The following INTS2 variants were observed in gnomAD, a reference collection of about 807,000 sequenced individuals.
INTS2 encodes KIAA1287.
In INTS2, 57 loss-of-function variants were observed where a neutral mutation model predicts 139.6. The ratio of observed to expected loss-of-function variants is 0.41; its 90% CI spans 0.33 to 0.51. The LOEUF (loss-of-function observed/expected upper bound fraction) is 0.51, where lower values mean the gene tolerates loss of function less well. Among genes scored for constraint, INTS2 ranks in the 20% least tolerant of loss-of-function variants. The pLI is 0.28. For synonymous variants in INTS2, 473 were observed against 493.4 expected (o/e 0.96, Z 0.55); for missense variants, 1,196 against 1,436.7 (o/e 0.83, Z 2.71).
intron 5 of INTS2, among the ~76,000 whole-genome samples, chr17:61,915,296 C>G (rs539660164): frequency 1.3e-5 from 2 of 151,702 alleles, no homozygotes; most frequent in Admixed American, 1.3e-4. Context: ...CGAGATCACT[C>G]CACTGCACTC....
At chr17:61,877,329 T>C (rs1220548963) in intron 18 of INTS2, among the ~76,000 whole-genome samples, 1 of 152,220 alleles carries the variant, frequency 6.6e-6, no homozygotes, top group African/African-American at 2.4e-5. Context: ...ACTTGTATAC[T>C]ATTTATAGCC....
At position 61,897,475 on chromosome 17, in the gene INTS2, C is replaced by T; in HGVS notation, c.1488G>A (p.Gly496=). Residue 496 remains glycine (G), a synonymous_variant, in exon 11 of 25, where the codon GGG becomes GGA. Transcript: ENST00000251334. This position sits in a 1 kb window ranked among gnomAD's most constrained non-coding sequence, Gnocchi z 4.4. The stretch of plus-strand genomic sequence containing the variant: ...GAAGTTAAAAGAAAATTACCTTCAT[C>T]CCCAAAGTGGAACAGACCAAGTCAA... The part of the protein sequence containing the change: ...AIIDLVCSTL[G]MKIVIKPSSL... The T allele has an allele frequency of 1.3e-6, 2 of 1,555,640 alleles. No individual in the cohort carries two copies. The highest frequency in any genetic ancestry group is 1.7e-6 in the Non-Finnish European group (2 of 1,153,900).
chr17:61,866,840 T>C lies in INTS2; in HGVS notation c.*717A>G, dbSNP rs1047739019. On this transcript the variant is annotated 3_prime_UTR_variant, in exon 25 of 25. Coordinates refer to ENST00000251334, the MANE Select transcript of INTS2 (RefSeq NM_001351695.2). ...ACAAAGATGTTTCTGTAAACACTTTTACACCAGTATCTTAAAATTCCAAAT... is the reference window on the plus strand; with the variant it reads ...ACAAAGATGTTTCTGTAAACACTTTCACACCAGTATCTTAAAATTCCAAAT... 8 of 152,240 alleles carry C rather than the reference T, an allele frequency of 5.3e-5. No homozygotes were observed. Among genetic ancestry groups the C allele is most frequent in the Admixed American group, 3.9e-4 (6 of 15,288 alleles). 9.4% of individuals were successfully genotyped at this position (152,240 alleles called of 1,614,324 possible). A position where few individuals can be genotyped will look rare whatever the true frequency, so the allele number is the denominator to read the frequency against.
At chr17:61,886,490 T>C (rs2079230118) in intron 15 of INTS2, among the ~76,000 whole-genome samples, 1 of 152,234 alleles carries the variant, frequency 6.6e-6, no homozygotes. Flanking sequence ...CTACTCACCT[T>C]TTGTTTAAAT....
chr17:61,891,994 T>C lies in INTS2; in HGVS notation c.1699-305A>G, dbSNP rs751846305. ...TACCATATCTGTATTTAGAGCACCA[T>C]GTGTGTCGTCATGGGAGAGCTCACG... On this transcript the variant is annotated intron_variant, in intron 13 of 24. Transcript: ENST00000251334. Among the ~76,000 whole-genome samples the C allele has an allele frequency of 6.6e-5, 10 of 152,172 alleles. No individual in the cohort carries two copies. In the South Asian group the frequency reaches 8.3e-4, roughly 13 times the overall value.
At chr17:61,917,989 A>G (rs559028801) in intron 5 of INTS2, among the ~76,000 whole-genome samples, 85 of 152,302 alleles carry the variant, frequency 5.6e-4, no homozygotes, top group African/African-American at 2.0e-3. Flanking sequence ...ATGCATATAA[A>G]CCCAACAAAA....
rs764734883 is a variant in INTS2 at position 61,884,857 on chromosome 17, T to G, written c.2089+44A>C. The G allele has an allele frequency of 4.2e-6, 5 of 1,204,116 alleles. No individual in the cohort carries two copies. In the Admixed American group the frequency reaches 8.3e-5, roughly 20 times the overall value. The allele number at this position is 1,204,116 out of a possible 1,614,324, so 74.6% of individuals were successfully genotyped here. A position where few individuals can be genotyped will look rare whatever the true frequency, so the allele number is the denominator to read the frequency against. On this transcript the variant is annotated intron_variant, in intron 16 of 24. Transcript: ENST00000251334. Reference sequence around the variant, plus strand: ...TCATAACATTATAAACAGAAAGGTTTTTTAACAATAAACTTTAGCAGTAAA... The same window carrying G: ...TCATAACATTATAAACAGAAAGGTTGTTTAACAATAAACTTTAGCAGTAAA...
rs1413450752 is a variant in INTS2, at chr17:61,909,475, G to C, written c.955-1841C>G. 6.6e-6 allele frequency among the ~76,000 whole-genome samples: 1 copy of C among 152,136 alleles called. No individual in the cohort carries two copies. The highest frequency in any genetic ancestry group is 1.9e-4 in the East Asian group (1 of 5,196). On this transcript the variant is annotated intron_variant, in intron 7 of 24. Coordinates refer to ENST00000251334, the MANE Select transcript of INTS2 (RefSeq NM_001351695.2). This position sits in a 1 kb window ranked among gnomAD's most constrained non-coding sequence, Gnocchi z 4.9. Reference sequence around the variant, plus strand: ...TTTTGTTACATGAATCTATTGCATAGAAGTCTGGGCTGTTGGTGTAGTCAT... The same window carrying C: ...TTTTGTTACATGAATCTATTGCATACAAGTCTGGGCTGTTGGTGTAGTCAT...
At position 61,871,324 on chromosome 17, in the gene INTS2, T is replaced by C. The variant is rs1567887186; in HGVS notation, c.2778+941A>G. ...TTAGTAGAGATGGGGTTTCACCATG[T>C]TGGCCAGGCTGGTCTCAAAACTCCT... On this transcript the variant is annotated intron_variant, in intron 20 of 24. Coordinates refer to ENST00000251334, the MANE Select transcript of INTS2 (RefSeq NM_001351695.2). This position sits in a 1 kb window ranked among gnomAD's most constrained non-coding sequence, Gnocchi z 4.9. Among the ~76,000 whole-genome samples the C allele has an allele frequency of 2.6e-5, 4 of 152,034 alleles. No individual in the cohort carries two copies. The highest frequency in any genetic ancestry group is 2.6e-4 in the Admixed American group (4 of 15,276).
In INTS2 at chr17:61,865,771, T is replaced by C. The variant is rs562713153; in HGVS notation, c.*1786A>G. ...TACAAAACTGCCTTGTTTAAAAATA[T>C]GAAAATTCTTATGCTATTTTTAAGA... On this transcript the variant is annotated 3_prime_UTR_variant, in exon 25 of 25. Transcript: ENST00000251334. This position sits in a 1 kb window ranked among gnomAD's most constrained non-coding sequence, Gnocchi z 4.8. 6.6e-6 allele frequency: 1 copy of C among 152,224 alleles called. No homozygotes were observed. Among genetic ancestry groups the C allele is most frequent in the Non-Finnish European group, 1.5e-5 (1 of 68,036 alleles). 9.4% of individuals were successfully genotyped at this position (152,224 alleles called of 1,614,324 possible).
At chr17:61,879,721 T>C (rs1201692101) in intron 17 of INTS2, among the ~76,000 whole-genome samples, 1 of 152,018 alleles carries the variant, frequency 6.6e-6, no homozygotes, top group African/African-American at 2.4e-5. Context: ...TGGTGGCATG[T>C]ACCTGTAGTC....
chr17:61,922,702 G>A (rs1280200480), intron 3 of INTS2, among the ~76,000 whole-genome samples: 1 of 151,768 alleles, frequency 6.6e-6, no homozygotes, highest in Non-Finnish European at 1.5e-5. Flanking sequence ...ATCTCCCAGA[G>A]GAGAAAGGTC....
rs930141439 is a variant in INTS2, at chr17:61,865,440, T to TA, written c.*2116dup. The TA allele has an allele frequency of 5.2e-5, 8 of 152,704 alleles. No homozygotes were observed. The highest frequency in any genetic ancestry group is 1.9e-4 in the East Asian group (1 of 5,190). The allele number at this position is 152,704 out of a possible 1,614,324, so 9.5% of individuals were successfully genotyped here. ...CTGCACACATCTGTTTTCACTTGAATAAAAAAACACATTGTGACAAATTTT... is the reference window on the plus strand; with the variant it reads ...CTGCACACATCTGTTTTCACTTGAATAAAAAAAACACATTGTGACAAATTTT... On this transcript the variant is annotated 3_prime_UTR_variant, in exon 25 of 25. Transcript: ENST00000251334. This position sits in a 1 kb window ranked among gnomAD's most constrained non-coding sequence, Gnocchi z 4.8.
chr17:61,899,573 A>G (rs1017811204), intron 9 of INTS2, among the ~76,000 whole-genome samples: 1 of 151,936 alleles, frequency 6.6e-6, no homozygotes, highest in Non-Finnish European at 1.5e-5. Context: ...ACTTTTAAGT[A>G]TCTTTCTAAA....
At chr17:61,916,753 G>A (rs2079586937) in intron 5 of INTS2, among the ~76,000 whole-genome samples, 2 of 152,160 alleles carry the variant, frequency 1.3e-5, no homozygotes, top group African/African-American at 4.8e-5. Context: ...AGAATTTATA[G>A]CCAAGTCCTC....
rs2079358062 is a variant in INTS2, at chr17:61,897,179, C to A, written c.1494+290G>T. On this transcript the variant is annotated intron_variant, in intron 11 of 24. Coordinates refer to ENST00000251334, the MANE Select transcript of INTS2 (RefSeq NM_001351695.2). The surrounding 1 kb of genome is among the most constrained non-coding windows in gnomAD (Gnocchi z 4.4). ...TTTTTAAATCATCAAATATGTACGT[C>A]ACTTTAAAGAAAGAACAGACATCAG... is the stretch of plus-strand genomic sequence containing the variant. Among the ~76,000 whole-genome samples the A allele has an allele frequency of 6.6e-6, 1 of 152,058 alleles. No homozygotes were observed. The highest frequency in any genetic ancestry group is 2.4e-5 in the African/African-American group (1 of 41,424).
In INTS2 at chr17:61,904,480, C is replaced by T. The variant is rs1189169557; in HGVS notation, c.1287G>A (p.Leu429=). The T allele has an allele frequency of 6.2e-7, 1 of 1,610,414 alleles. No individual in the cohort carries two copies. Among genetic ancestry groups the T allele is most frequent in the Non-Finnish European group, 8.5e-7 (1 of 1,177,440 alleles). ...GGTACCTGACAAGTGTAGAAAAGGC[C>T]AGTAGCATACAAAAGGAAAGTGAAA... is the stretch of plus-strand genomic sequence containing the variant. ...RFVSLSFCML[L]AFSTLVSTPE... The change falls in exon 9 of 25, where the codon CTG becomes CTA. Residue 429 remains leucine, a synonymous_variant. Transcript: ENST00000251334.
At chr17:61,906,101 A>G (rs1265345419) in intron 8 of INTS2, among the ~76,000 whole-genome samples, 2 of 152,104 alleles carry the variant, frequency 1.3e-5, no homozygotes, top group Non-Finnish European at 2.9e-5. Flanking sequence ...TTCATTATGG[A>G]GAGAAAGGAA....
At chr17:61,891,309 T>C (rs1285917862) in intron 14 of INTS2, among the ~76,000 whole-genome samples, 1 of 150,966 alleles carries the variant, frequency 6.6e-6, no homozygotes, top group Non-Finnish European at 1.5e-5. Context: ...TAAAACTCCA[T>C]CTCAAAAAAA....
Sources: allele counts gnomAD v4.1 joint callset (sites outside exome capture counted in the v4.1 genomes callset), GRCh38; gene constraint gnomAD v4.1.1; non-coding constraint Gnocchi (gnomAD v3.1); transcripts MANE v1.5; gene names NCBI Gene and HGNC (gene_info 2026-07-23, HGNC 2026-07-21).